Variants in SETD4 observed in about 807,000 individuals in gnomAD.
The protein encoded by SETD4 is SET domain-containing protein 4.
In SETD4, 46 loss-of-function variants were observed where a neutral mutation model predicts 58.3. The observed-to-expected ratio is 0.79, with a 90% CI of 0.62 to 1.01. The LOEUF (loss-of-function observed/expected upper bound fraction) is 1.01, where lower values mean the gene tolerates loss of function less well. Among genes scored for constraint, SETD4 ranks in the 50% least tolerant of loss-of-function variants. SETD4 has a pLI of 0.00. For synonymous variants in SETD4, 190 were observed against 202.6 expected, an observed-to-expected ratio of 0.94 and a Z score of 0.53; for missense variants, 490 against 523.3, an observed-to-expected ratio of 0.94 and a Z score of 0.62.
At chr21:36,045,449 G>T in intron 6 of SETD4, 133 bp downstream of exon 6, 1 of 1,104,880 alleles carries the variant, frequency 9.1e-7, no homozygotes, top group Non-Finnish European at 1.3e-6. Context: ...CTGACGTCAG[G>T]CCAACCTGAC....
intron 5 of SETD4, among the ~76,000 whole-genome samples, 153 bp from the exon 6 acceptor site, chr21:36,046,164 A>G (rs1313673441): frequency 6.6e-6 from 1 of 152,190 alleles, no homozygotes; most frequent in African/African-American, 2.4e-5. Context: ...TTCCTTCCTT[A>G]AGGCTCTTCC....
Position 36,050,143 on chromosome 21 carries a change from A to G in SETD4, c.208-1747T>C, listed in dbSNP as rs536547336. On this transcript the variant is annotated intron_variant, in intron 4 of 11. Transcript: ENST00000332131. ...TGCAGACCTCTATATCTGGCTGTTC[A>G]TCTTCCATAATCAACTGGTAGATGT... 2.4e-5 allele frequency: 20 copies of G among 845,682 alleles called. 1 individual carries two copies. The South Asian group carries it at 2.7e-4, about 11-fold the overall frequency. The allele number at this position is 845,682 out of a possible 1,614,324, so 52.4% of individuals were successfully genotyped here. A position where few individuals can be genotyped will look rare whatever the true frequency, so the allele number is the denominator to read the frequency against.
chr21:36,047,631 G>C (rs573231675), intron 5 of SETD4, among the ~76,000 whole-genome samples: 1 of 151,872 alleles, frequency 6.6e-6, no homozygotes, highest in African/African-American at 2.4e-5. Flanking sequence ...GATGGATCGG[G>C]ATATCATACC....
chr21:36,044,050 CA>C, intron 6 of SETD4, 94 bp from the exon 7 acceptor site: 1 of 1,410,478 alleles, frequency 7.1e-7, no homozygotes, highest in Non-Finnish European at 9.6e-7. Context: ...GAGTCAGGTG[CA>C]GCTTTCAAAC....
chr21:36,057,892 A>C (rs2065066478), intron 2 of SETD4, among the ~76,000 whole-genome samples: 1 of 149,242 alleles, frequency 6.7e-6, no homozygotes, highest in Admixed American at 6.7e-5. Context: ...CTCCATCAGC[A>C]AAAAAAAAAG....
chr21:36,044,423 T>C (rs1388540037), intron 6 of SETD4, among the ~76,000 whole-genome samples: 4 of 152,248 alleles, frequency 2.6e-5, no homozygotes, highest in African/African-American at 7.2e-5. Flanking sequence ...CCACAGGCTG[T>C]AGTTCGTGCT....
Position 36,057,127 on chromosome 21 carries a change from C to G in SETD4, c.151G>C (p.Ala51Pro), listed in dbSNP as rs1356038610. 1 of 1,614,104 alleles carries G rather than the reference C, an allele frequency of 6.2e-7. No individual in the cohort carries two copies. The highest frequency in any genetic ancestry group is 8.5e-7 in the Non-Finnish European group (1 of 1,179,958). The change falls in exon 3 of 12, where the codon GCG (alanine) becomes CCG (proline). Residue 51 changes from alanine (A) to proline (P), a missense_variant. Transcript: ENST00000332131. ...KARKFQDSNL[A>P]PACFPGTGRG... ...ATCTTACCTGGAAAACAAGCAGGCG[C>G]TAAGTTTGAATCTTGAAACTTCCTA... is the stretch of plus-strand genomic sequence containing the variant.
intron 1 of SETD4, 162 bp downstream of exon 1, chr21:36,060,185 G>A (rs535572956): frequency 2.2e-5 from 21 of 949,424 alleles, no homozygotes; most frequent in Non-Finnish European, 2.5e-5. Context: ...AAGATGAGAG[G>A]TTACTGCAGC....
At chr21:36,053,532 C>A in intron 4 of SETD4, 51 bp downstream of exon 4, 14 of 1,603,722 alleles carry the variant, frequency 8.7e-6, no homozygotes, top group Non-Finnish European at 1.2e-5. Context: ...ACCGCAAAAA[C>A]AAAGCAGCAA....
chr21:36,060,466 A>C lies in SETD4; in HGVS notation c.-156T>G, dbSNP rs2065237165. On this transcript the variant is annotated 5_prime_UTR_variant, in exon 1 of 12. Transcript: ENST00000332131. ...AGGAACCGGCCAAAACTGCAGAGGGAGAGGCTGAAGGCTGTCGCGCCTGCC... is the reference window on the plus strand; with the variant it reads ...AGGAACCGGCCAAAACTGCAGAGGGCGAGGCTGAAGGCTGTCGCGCCTGCC... The C allele has an allele frequency of 6.6e-6, 1 of 152,476 alleles. No homozygotes were observed. The allele number at this position is 152,476 out of a possible 1,614,324, so 9.4% of individuals were successfully genotyped here.
chr21:36,051,110 C>G lies in SETD4; in HGVS notation c.207+2473G>C, dbSNP rs1445670287. Reference sequence around the variant, plus strand: ...CTTGTAATCTAGATGTAGCTGGTATCAGAGCAGACTATACTGCCTCCCTTC... The same window carrying G: ...CTTGTAATCTAGATGTAGCTGGTATGAGAGCAGACTATACTGCCTCCCTTC... On this transcript the variant is annotated intron_variant, in intron 4 of 11. Coordinates refer to ENST00000332131, the MANE Select transcript of SETD4 (RefSeq NM_017438.5). 4 of 1,414,820 alleles carry G rather than the reference C, an allele frequency of 2.8e-6. 1 individual carries two copies. The highest frequency in any genetic ancestry group is 4.0e-6 in the Non-Finnish European group (4 of 998,714). 87.6% of individuals were successfully genotyped at this position (1,414,820 alleles called of 1,614,324 possible).
intron 10 of SETD4, 75 bp from the exon 11 acceptor site, chr21:36,036,326 T>C: frequency 7.4e-7 from 1 of 1,352,650 alleles, no homozygotes; most frequent in South Asian, 1.5e-5. Context: ...CGTACCTTTT[T>C]AACCAATTTT....
chr21:36,059,637 G>T, intron 1 of SETD4: 1 of 661,330 alleles, frequency 1.5e-6, no homozygotes, highest in South Asian at 6.8e-5. Context: ...GCAGCTAGAC[G>T]AGATCACGCC....
chr21:36,060,525 C>G lies in SETD4; in HGVS notation c.-215G>C, dbSNP rs2065240406. On this transcript the variant is annotated 5_prime_UTR_variant, in exon 1 of 12. Coordinates refer to ENST00000332131, the MANE Select transcript of SETD4 (RefSeq NM_017438.5). ...TTAAGCAATCCAAGTCCTCAGTCTC[C>G]CGGGTCCGCCCCTTCCGCCGCGGGC... 6.6e-6 allele frequency: 1 copy of G among 152,572 alleles called. No homozygotes were observed. The highest frequency in any genetic ancestry group is 6.5e-5 in the Admixed American group (1 of 15,298). 9.5% of individuals were successfully genotyped at this position (152,572 alleles called of 1,614,324 possible).
chr21:36,059,826 C>T, intron 1 of SETD4: 1 of 985,476 alleles, frequency 1.0e-6, no homozygotes, highest in Non-Finnish European at 1.2e-6. Flanking sequence ...TTTGACCTAA[C>T]GAAAGTCGGC....
Position 36,035,840 on chromosome 21 carries a change from C to A in SETD4, c.*153G>T. ...AGACCTGCCATCCAGACAGCTTGTC[C>A]ACCTTCACTCACAGCCTCACAATCC... is the stretch of plus-strand genomic sequence containing the variant. On this transcript the variant is annotated 3_prime_UTR_variant, in exon 12 of 12. Transcript: ENST00000332131. The A allele has an allele frequency of 2.2e-6, 1 of 445,898 alleles. No individual in the cohort carries two copies. The highest frequency in any genetic ancestry group is 4.0e-6 in the Non-Finnish European group (1 of 247,824). 27.6% of individuals were successfully genotyped at this position (445,898 alleles called of 1,614,324 possible). A position where few individuals can be genotyped will look rare whatever the true frequency, so the allele number is the denominator to read the frequency against.
At position 36,058,522 on chromosome 21, in the gene SETD4, G is replaced by A. The variant is rs67663143; in HGVS notation, c.73+294C>T. On this transcript the variant is annotated intron_variant, in intron 2 of 11. Transcript: ENST00000332131. ...CTTGTCTCCAAAAAAAAAAAAAAAA[G>A]AAAGATTCTCTTTGAACACTGTGTG... 9.3e-3 allele frequency among the ~76,000 whole-genome samples: 452 copies of A among 48,724 alleles called. 31 individuals are homozygous for A. Among genetic ancestry groups the A allele is most frequent in the Middle Eastern group, 0.03 (3 of 100 alleles). 32.0% of individuals were successfully genotyped at this position (48,724 alleles called of 152,430 possible).
At chr21:36,038,315 CAA>C (rs1568900589) in intron 9 of SETD4, 42 bp from the exon 10 acceptor site, 1 of 1,598,292 alleles carries the variant, frequency 6.3e-7, no homozygotes, top group Non-Finnish European at 8.5e-7. Flanking sequence ...AGCAGGCTCT[CAA>C]AAAACAGATT....
At chr21:36,043,560 T>A (rs142929429) in intron 7 of SETD4, 2 of 1,378,884 alleles carry the variant, frequency 1.5e-6, no homozygotes, top group African/African-American at 1.5e-5. Flanking sequence ...TCTGACCCAA[T>A]GCAATGAAAA....
Sources: gnomAD v4.1 joint callset for allele counts (sites outside exome capture counted in the v4.1 genomes callset) on GRCh38, gnomAD v4.1.1 for gene constraint, MANE v1.5 for transcripts, NCBI Gene and HGNC (gene_info 2026-07-23, HGNC 2026-07-21) for gene names.